The following DDX3X variants were observed in gnomAD, a reference collection of about 807,000 sequenced individuals.
DDX3X encodes ATP-dependent RNA helicase DDX3X.
In DDX3X, 4 loss-of-function variants were observed where a neutral mutation model predicts 52.7. That is an observed-to-expected ratio of 0.08 (90% CI 0.04 to 0.17). The LOEUF is 0.17. DDX3X is among the 10% of genes least tolerant of loss of function. The probability of loss-of-function intolerance (pLI) is 1.00; values close to 1 mark genes in which losing one functional copy is unlikely to be tolerated. For synonymous variants in DDX3X, 192 were observed against 178.1 expected (o/e 1.08, Z -0.62); for missense variants, 222 against 548.6 (o/e 0.40, Z 5.95).
chrX:41,351,441 TC>T (rs1338305008), downstream of DDX3X: 2 of 111,830 alleles, frequency 1.8e-5, no homozygotes, highest in Non-Finnish European at 3.8e-5. Context: ...TGTCTAACCT[TC>T]ATGCTTAAAA....
chrX:41,360,512 G>A (rs1020559815), intron 5 of DDX3X, among the ~76,000 whole-genome samples: 5 of 108,372 alleles, frequency 4.6e-5, no homozygotes, highest in African/African-American at 1.0e-4. Flanking sequence ...GCGTAATCTC[G>A]GCTCACCGCA....
intron 7 of DDX3X, 177 bp from the exon 8 acceptor site, chrX:41,343,560 A>G: frequency 9.3e-6 from 5 of 536,565 alleles, no homozygotes; most frequent in Non-Finnish European, 1.5e-5. Context: ...TTTATTTACA[A>G]AATAGTCTCA....
At chrX:41,354,314 AT>A (rs1388474481), downstream of DDX3X, among the ~76,000 whole-genome samples, 1 of 101,383 alleles carries the variant, frequency 9.9e-6, no homozygotes, top group African/African-American at 3.7e-5. Context: ...GAACAGTTCC[AT>A]CATCACAATG....
chrX:41,345,954 G>A (rs2063917730), intron 12 of DDX3X: 1 of 334,107 alleles, frequency 3.0e-6, no homozygotes, highest in Non-Finnish European at 5.1e-6. Context: ...TGTAGTCCCA[G>A]CTACTTGGCA....
rs2063720439 is a variant in DDX3X, at chrX:41,334,218, A to C, written c.-35A>C. 5 of 1,193,652 alleles carry C rather than the reference A, an allele frequency of 4.2e-6. No individual in the cohort carries two copies. The Admixed American group carries it at 8.9e-5, about 21-fold the overall frequency. On this transcript the variant is annotated 5_prime_UTR_variant, in exon 1 of 17. Coordinates refer to ENST00000644876, the MANE Select transcript of DDX3X (RefSeq NM_001356.5). ...GCGGTGGAACAAACACTCGCTTAGC[A>C]GCGGAAGACTCCGAGTTCTCGGTAC... is the stretch of plus-strand genomic sequence containing the variant.
At chrX:41,333,933 G>C, upstream of DDX3X, 1 of 227,961 alleles carries the variant, frequency 4.4e-6, no homozygotes. Context: ...AGTGTAGCTC[G>C]AGAGAACTGG....
At chrX:41,347,198 G>T in intron 15 of DDX3X, 114 bp from the exon 16 acceptor site, 1 of 977,430 alleles carries the variant, frequency 1.0e-6, no homozygotes, top group Non-Finnish European at 1.4e-6. Flanking sequence ...GGAAAATATG[G>T]CTGGATGGGG....
At chrX:41,346,202 C>CA (rs2063921333) in intron 12 of DDX3X, 27 bp from the exon 13 acceptor site, 1 of 1,184,026 alleles carries the variant, frequency 8.4e-7, no homozygotes, top group Non-Finnish European at 1.1e-6. Flanking sequence ...ATGTTAGTGA[C>CA]AAAAACCTAT....
upstream of DDX3X, chrX:41,333,937 G>A: frequency 4.0e-6 from 1 of 248,333 alleles, no homozygotes; most frequent in East Asian, 6.9e-5. Context: ...TAGCTCGAGA[G>A]AACTGGGACA....
chrX:41,341,189 TG>T (rs2063845340), intron 3 of DDX3X: 1 of 196,469 alleles, frequency 5.1e-6, no homozygotes, highest in African/African-American at 3.0e-5. Context: ...TTCTCCATGT[TG>T]GTCAGGCTAG....
At chrX:41,362,721 G>T (rs990464363) in intron 5 of DDX3X, among the ~76,000 whole-genome samples, 1 of 111,986 alleles carries the variant, frequency 8.9e-6, no homozygotes, top group African/African-American at 3.2e-5. Context: ...CCCTGACAGG[G>T]CTCTGGGCTA....
At chrX:41,334,025 T>A, upstream of DDX3X, 1 of 422,727 alleles carries the variant, frequency 2.4e-6, no homozygotes, top group South Asian at 3.7e-5. Flanking sequence ...AGCTTAGACC[T>A]GAGGGAGCGC....
chrX:41,356,760 G>A (rs1011268230), intron 5 of DDX3X, among the ~76,000 whole-genome samples: 7 of 110,033 alleles, frequency 6.4e-5, no homozygotes, highest in Non-Finnish European at 1.1e-4. Context: ...ACCGTGCCCG[G>A]CCGGCATCAT....
chrX:41,345,619 G>T (rs2063913278), intron 12 of DDX3X, 71 bp downstream of exon 12: 1 of 907,411 alleles, frequency 1.1e-6, no homozygotes, highest in Non-Finnish European at 1.6e-6. Context: ...GAGTGCAGGG[G>T]TTATTCACAG....
chrX:41,337,504 C>T, intron 2 of DDX3X, 39 bp downstream of exon 2: 1 of 1,069,596 alleles, frequency 9.3e-7, no homozygotes, highest in East Asian at 3.0e-5. Context: ...AATATTAGAG[C>T]TTAACATCTT....
At chrX:41,356,085 G>A (rs1180538987) in intron 5 of DDX3X, among the ~76,000 whole-genome samples, 1 of 107,904 alleles carries the variant, frequency 9.3e-6, no homozygotes, top group Admixed American at 1.0e-4. Flanking sequence ...CAGAGCAAAT[G>A]CTTTTAATTG....
At chrX:41,340,884 CA>C (rs1194221728) in intron 3 of DDX3X, 2 of 293,367 alleles carry the variant, frequency 6.8e-6, no homozygotes, top group African/African-American at 5.5e-5. Context: ...TATGGTCACA[CA>C]ACGTCATAAT....
chrX:41,344,568 G>C (rs762306637), intron 10 of DDX3X, 169 bp downstream of exon 10: 14 of 577,885 alleles, frequency 2.4e-5, no homozygotes, highest in Non-Finnish European at 4.0e-5. Flanking sequence ...CTCCCAGGTA[G>C]CTGGGATTAC....
chrX:41,344,448 TTTG>T lies in DDX3X; in HGVS notation c.1025+52_1025+54del, dbSNP rs755628253. On this transcript the variant is annotated intron_variant, in intron 10 of 16. Transcript: ENST00000644876. ...TTTTTGTTTTGTTTTGTTTTGTTCT[TTTG>T]TTTTTGGCAGAGTTGCGCTCTTGTT... The T allele has an allele frequency of 1.1e-5, 13 of 1,195,362 alleles. No individual in the cohort carries two copies. In the South Asian group the frequency reaches 2.3e-4, roughly 21 times the overall value.
Sources: gnomAD v4.1 joint callset for allele counts (sites outside exome capture counted in the v4.1 genomes callset) on GRCh38, gnomAD v4.1.1 for gene constraint, MANE v1.5 for transcripts, NCBI Gene and HGNC (gene_info 2026-07-23, HGNC 2026-07-21) for gene names.